Variants in RYR2 observed in about 807,000 individuals in gnomAD.
RYR2 encodes ryanodine receptor 2, also known as cardiac muscle ryanodine receptor-calcium release channel.
Under a neutral mutation model 601.1 loss-of-function variants are expected in RYR2, and 227 were observed. The ratio of observed to expected loss-of-function variants is 0.38; its 90% CI spans 0.34 to 0.42. The LOEUF (loss-of-function observed/expected upper bound fraction) is 0.42. RYR2 is among the 10% of genes least tolerant of loss of function. The probability of loss-of-function intolerance (pLI) is 1.00; values close to 1 mark genes in which losing one functional copy is unlikely to be tolerated. For missense variants in RYR2, 4,646 were observed against 6,156.5 expected (o/e 0.75, Z 8.21); for synonymous variants, 2,223 against 2,175.1 (o/e 1.02, Z -0.61).
At chr1:237,601,946 CTTTG>C in intron 34 of RYR2, 75 bp from the exon 35 acceptor site, 1 of 1,194,796 alleles carries the variant, frequency 8.4e-7, no homozygotes, top group Non-Finnish European at 1.2e-6. Context: ...TAAAGTATTC[CTTTG>C]TTGTTATAAA....
intron 38 of RYR2, among the ~76,000 whole-genome samples, chr1:237,621,393 A>G (rs1679061675): frequency 6.6e-6 from 1 of 152,172 alleles, no homozygotes; most frequent in Admixed American, 6.5e-5. Context: ...AAGCAGAAAG[A>G]AGTCACTAAT....
chr1:237,733,587 A>G, intron 78 of RYR2, 118 bp from the exon 79 acceptor site: 1 of 709,296 alleles, frequency 1.4e-6, no homozygotes, highest in East Asian at 2.7e-5. Context: ...TGTTCATTTA[A>G]TTTTAAAAAG....
rs368826662 is a variant in RYR2 at position 237,610,773 on chromosome 1, T to C, written c.4695T>C (p.Pro1565=). The C allele has an allele frequency of 7.2e-5, 115 of 1,604,364 alleles. No individual in the cohort carries two copies. The East Asian group carries it at 2.4e-3, about 34-fold the overall frequency. Residue 1565 remains proline, a synonymous_variant, in exon 36 of 105, where the codon CCT becomes CCC. Coordinates refer to ENST00000366574, the MANE Select transcript of RYR2 (RefSeq NM_001035.3). This position sits in a 1 kb window ranked among gnomAD's most constrained non-coding sequence, Gnocchi z 4.9. Reference sequence around the variant, plus strand: ...TCCCCATCCGCTAGAATGTGATGCCTCTCTCGGCGGGATTATTCAAGAGTG... The same window carrying C: ...TCCCCATCCGCTAGAATGTGATGCCCCTCTCGGCGGGATTATTCAAGAGTG... ...FELGRIKNVM[P]LSAGLFKSEH...
chr1:237,257,214 T>C (rs904969533), intron 1 of RYR2, among the ~76,000 whole-genome samples: 4 of 152,172 alleles, frequency 2.6e-5, no homozygotes, highest in African/African-American at 4.8e-5. Flanking sequence ...CCCAGATTTG[T>C]CTCATTCGAC....
chr1:237,126,492 C>T (rs1431018430), intron 1 of RYR2, among the ~76,000 whole-genome samples: 1 of 152,140 alleles, frequency 6.6e-6, no homozygotes, highest in East Asian at 1.9e-4. Context: ...TCCCTCCCTC[C>T]TACCCCATCA....
chr1:237,590,758 A>T lies in RYR2; in HGVS notation c.3926A>T (p.Glu1309Val). Residue 1309 changes from glutamate to valine, a missense_variant, in exon 31 of 105, where the codon GAG (glutamate) becomes GTG (valine). Physicochemically the swap from Glu to Val is moderately radical, Grantham distance 121 (BLOSUM62 -2). Coordinates refer to ENST00000366574, the MANE Select transcript of RYR2 (RefSeq NM_001035.3). The part of the protein sequence containing the change: ...IMFYRLSMPI[E>V]CAEVFSKTVA... Reference sequence around the variant, plus strand: ...TTTTATCGCCTGAGCATGCCGATCGAGTGCGCGGAGGTCTTCTCCAAGACG... The same window carrying T: ...TTTTATCGCCTGAGCATGCCGATCGTGTGCGCGGAGGTCTTCTCCAAGACG... 1 of 1,613,820 alleles carries T rather than the reference A, an allele frequency of 6.2e-7. No individual in the cohort carries two copies.
At chr1:237,043,761 C>CA (rs768152507) in intron 1 of RYR2, among the ~76,000 whole-genome samples, 22 of 132,180 alleles carry the variant, frequency 1.7e-4, no homozygotes, top group Non-Finnish European at 3.4e-4. Flanking sequence ...CAAAACAAAA[C>CA]AAACAAACAA....
At position 237,231,326 on chromosome 1, in the gene RYR2, C is replaced by CT. The variant is rs1179680194; in HGVS notation, c.49-39160dup. The stretch of plus-strand genomic sequence containing the variant: ...TCTTTTTTTCTTTCTTTCTTTCTTT[C>CT]TTTTTTTTTTTCTGAATAGAGATAG... On this transcript the variant is annotated intron_variant, in intron 1 of 104. Coordinates refer to ENST00000366574, the MANE Select transcript of RYR2 (RefSeq NM_001035.3). Among the ~76,000 whole-genome samples, 1,006 of 135,812 alleles carry CT rather than the reference C, an allele frequency of 7.4e-3. 12 individuals carry two copies. The highest frequency in any genetic ancestry group is 0.025 in the African/African-American group (851 of 33,934). The allele number at this position is 135,812 out of a possible 152,430, so 89.1% of individuals were successfully genotyped here. A position where few individuals can be genotyped will look rare whatever the true frequency, so the allele number is the denominator to read the frequency against.
chr1:237,439,452 C>G (rs1473176674), intron 12 of RYR2, among the ~76,000 whole-genome samples: 2 of 152,064 alleles, frequency 1.3e-5, no homozygotes, highest in African/African-American at 4.8e-5. Context: ...TAAGACTAGC[C>G]TCACCAACAT....
intron 101 of RYR2, among the ~76,000 whole-genome samples, chr1:237,825,416 A>C (rs2102893752): frequency 6.6e-6 from 1 of 152,346 alleles, no homozygotes; most frequent in African/African-American, 2.4e-5. Flanking sequence ...CACTGGGGAA[A>C]AGATTCCCTA....
At chr1:237,117,104 A>G (rs1479273731) in intron 1 of RYR2, among the ~76,000 whole-genome samples, 4 of 152,182 alleles carry the variant, frequency 2.6e-5, no homozygotes, top group Non-Finnish European at 5.9e-5. Flanking sequence ...GGCCTGTGTC[A>G]TGGAAGGCTG....
intron 36 of RYR2, 62 bp downstream of exon 36, chr1:237,611,050 G>A: frequency 4.1e-6 from 6 of 1,450,586 alleles, no homozygotes; most frequent in South Asian, 1.2e-5. Context: ...TGCTGCCCGG[G>A]GCTTCCGGTA....
At chr1:237,678,713 G>A (rs148361873) in intron 61 of RYR2, among the ~76,000 whole-genome samples, 39 of 152,236 alleles carry the variant, frequency 2.6e-4, no homozygotes, top group African/African-American at 9.4e-4. Flanking sequence ...TAAAGTCTCC[G>A]AATGATTTAA....
At chr1:237,323,545 A>C (rs185670987) in intron 2 of RYR2, among the ~76,000 whole-genome samples, 1 of 152,290 alleles carries the variant, frequency 6.6e-6, no homozygotes, top group African/African-American at 2.4e-5. Flanking sequence ...ATAATTGTAA[A>C]AATCAGATGA....
intron 1 of RYR2, among the ~76,000 whole-genome samples, chr1:237,072,691 A>T (rs1326177306): frequency 6.6e-6 from 1 of 152,230 alleles, no homozygotes; most frequent in Non-Finnish European, 1.5e-5. Flanking sequence ...ACTCGCCTGT[A>T]ATCCCAGCAC....
chr1:237,565,508 G>A (rs1671974338), intron 27 of RYR2, among the ~76,000 whole-genome samples: 2 of 152,040 alleles, frequency 1.3e-5, no homozygotes, highest in African/African-American at 4.8e-5. Flanking sequence ...GCCTTCCAAA[G>A]TGTTGAGACT....
intron 79 of RYR2, among the ~76,000 whole-genome samples, chr1:237,741,054 C>A (rs1035680191): frequency 2.6e-5 from 4 of 152,150 alleles, no homozygotes; most frequent in Non-Finnish European, 5.9e-5. Flanking sequence ...AACATCTTTG[C>A]TTTTGTGATG....
rs138281739 is a variant in RYR2, at chr1:237,610,491, T to C, written c.4684-271T>C. ...GGATATATGGGTATGCTTGGCCTTC[T>C]CTCTGTGCCATTCAGTATATGGGAA... On this transcript the variant is annotated intron_variant, in intron 35 of 104. Coordinates refer to ENST00000366574, the MANE Select transcript of RYR2 (RefSeq NM_001035.3). The surrounding 1 kb of genome is among the most constrained non-coding windows in gnomAD (Gnocchi z 4.9). Among the ~76,000 whole-genome samples the C allele has an allele frequency of 1.1e-4, 16 of 152,290 alleles. No homozygotes were observed. The East Asian group carries it at 3.1e-3, about 29-fold the overall frequency.
At chr1:237,096,062 G>A (rs985243566) in intron 1 of RYR2, among the ~76,000 whole-genome samples, 1 of 152,120 alleles carries the variant, frequency 6.6e-6, no homozygotes, top group African/African-American at 2.4e-5. Flanking sequence ...AATGATGAAG[G>A]TCATAGCCTC....
Sources: allele counts gnomAD v4.1 joint callset (sites outside exome capture counted in the v4.1 genomes callset), GRCh38; gene constraint gnomAD v4.1.1; non-coding constraint Gnocchi (gnomAD v3.1); transcripts MANE v1.5; gene names NCBI Gene and HGNC (gene_info 2026-07-23, HGNC 2026-07-21).